Variants in RGS11 observed in about 807,000 individuals in gnomAD.
RGS11 encodes regulator of G protein signaling 11.
A neutral mutation model predicts 71.1 loss-of-function variants in RGS11; 86 were observed. That is an observed-to-expected ratio of 1.21 (90% CI 1.02 to 1.45). The LOEUF (loss-of-function observed/expected upper bound fraction) is 1.45. Among genes scored for constraint, RGS11 ranks in the 40% most tolerant of loss-of-function variants. RGS11 has a pLI of 0.00. For missense variants in RGS11, 734 were observed against 635.1 expected (o/e 1.16, Z -1.67); for synonymous variants, 298 against 254.2 (o/e 1.17, Z -1.64).
In RGS11 at chr16:273,561, G is replaced by A. The variant is rs1361556482; in HGVS notation, c.507-5C>T. 27 of 1,559,086 alleles carry A rather than the reference G, an allele frequency of 1.7e-5. No homozygotes were observed. Among genetic ancestry groups the A allele is most frequent in the Non-Finnish European group, 2.3e-5 (26 of 1,151,878 alleles). On this transcript the variant is annotated splice_polypyrimidine_tract_variant and splice_region_variant and intron_variant, in intron 7 of 16. Coordinates refer to ENST00000397770, the MANE Select transcript of RGS11 (RefSeq NM_183337.3). ...TTGCTGCGCTGCTTGGCTGCCCTGG[G>A]AGGAGGAGGCCGAGTTGAGGGCACG...
rs944036697 is a variant in RGS11, at chr16:275,158, T to G, written c.212-76A>C. 5.8e-6 allele frequency: 9 copies of G among 1,557,946 alleles called. No homozygotes were observed. In the African/African-American group the frequency reaches 1.1e-4, roughly 19 times the overall value. On this transcript the variant is annotated intron_variant, in intron 3 of 16. Transcript: ENST00000397770. Reference sequence around the variant, plus strand: ...GGGACGAGCCGGGCCTCCTCTCCCCTATGTGCTCCCCACCCTTGCACAGCG... The same window carrying G: ...GGGACGAGCCGGGCCTCCTCTCCCCGATGTGCTCCCCACCCTTGCACAGCG...
chr16:272,125 C>T (rs924578437), intron 9 of RGS11: 51 of 1,129,352 alleles, frequency 4.5e-5, no homozygotes, highest in East Asian at 6.9e-5. Flanking sequence ...CGTGAGCCAC[C>T]GCGCCCGGCC....
At chr16:269,802 G>C (rs761584025) in intron 15 of RGS11, 1 of 540,660 alleles carries the variant, frequency 1.8e-6, no homozygotes, top group East Asian at 3.1e-5. Flanking sequence ...AGCAAAAAAT[G>C]GCAAGAGCCC....
At chr16:271,669 T>A in intron 9 of RGS11, 100 bp from the exon 10 acceptor site, 1 of 1,176,166 alleles carries the variant, frequency 8.5e-7, no homozygotes, top group East Asian at 2.3e-5. Flanking sequence ...CCCTGCCCCA[T>A]AGATCTGGCA....
chr16:271,821 G>A (rs536982039), intron 9 of RGS11: 1 of 568,926 alleles, frequency 1.8e-6, no homozygotes, highest in Non-Finnish European at 3.1e-6. Context: ...AGTTGCAACT[G>A]TAATATGTCA....
At position 275,472 on chromosome 16, in the gene RGS11, C is replaced by G; in HGVS notation, c.90G>C (p.Gln30His). 6.3e-7 allele frequency: 1 copy of G among 1,587,834 alleles called. No homozygotes were observed. The highest frequency in any genetic ancestry group is 1.3e-5 in the African/African-American group (1 of 74,826). Residue 30 changes from glutamine (Q) to histidine (H), a missense_variant, in exon 2 of 17, where the codon CAG becomes CAC. Transcript: ENST00000397770. ...RKMERVVVSM[Q>H]DPDQGVKMRS... is the part of the protein sequence containing the mutation. ...GCATCTTCACGCCCTGGTCGGGGTC[C>G]TGCATGCTCACGACCACCCGCTCCA...
chr16:275,845 G>T lies in RGS11; in HGVS notation c.63+4C>A, dbSNP rs1437806710. On this transcript the variant is annotated splice_donor_region_variant and intron_variant, in intron 1 of 16. Coordinates refer to ENST00000397770, the MANE Select transcript of RGS11 (RefSeq NM_183337.3). ...GGACGGCGGGACACCCACCCGCCTC[G>T]CACCTTCCTCAGATGCGGCATCTGC... The T allele has an allele frequency of 9.4e-7, 1 of 1,068,496 alleles. No homozygotes were observed. The highest frequency in any genetic ancestry group is 1.2e-6 in the Non-Finnish European group (1 of 866,564). 66.2% of individuals were successfully genotyped at this position (1,068,496 alleles called of 1,614,324 possible). A position where few individuals can be genotyped will look rare whatever the true frequency, so the allele number is the denominator to read the frequency against.
Position 268,998 on chromosome 16 carries a change from C to A in RGS11, c.*271G>T. 1 of 1,471,700 alleles carries A rather than the reference C, an allele frequency of 6.8e-7. No homozygotes were observed. Among genetic ancestry groups the A allele is most frequent in the Non-Finnish European group, 9.3e-7 (1 of 1,075,430 alleles). 91.2% of individuals were successfully genotyped at this position (1,471,700 alleles called of 1,614,324 possible). A position where few individuals can be genotyped will look rare whatever the true frequency, so the allele number is the denominator to read the frequency against. On this transcript the variant is annotated 3_prime_UTR_variant, in exon 17 of 17. Transcript: ENST00000397770. The stretch of plus-strand genomic sequence containing the variant: ...GCTCCCTGTGGCCTTGGTCTCACCT[C>A]TCTTCAGGTAACAGGCTCTGCCCTG...
At chr16:271,729 A>G in intron 9 of RGS11, 160 bp from the exon 10 acceptor site, 2 of 672,398 alleles carry the variant, frequency 3.0e-6, no homozygotes, top group Non-Finnish European at 5.1e-6. Flanking sequence ...CCCTTCTTCC[A>G]ATCAGGGATC....
intron 15 of RGS11, among the ~76,000 whole-genome samples, chr16:270,173 C>T (rs982855476): frequency 2.0e-4 from 30 of 152,096 alleles, no homozygotes; most frequent in Non-Finnish European, 3.5e-4. Flanking sequence ...GGCGTGAACC[C>T]GGGAGGTGGA....
At chr16:273,153 G>C (rs1023776080) in intron 8 of RGS11, among the ~76,000 whole-genome samples, 2 of 152,020 alleles carry the variant, frequency 1.3e-5, no homozygotes, top group African/African-American at 4.8e-5. Flanking sequence ...CTGTGAACTC[G>C]GTCCCCCCAC....
Position 275,392 on chromosome 16 carries a change from C to A in RGS11, c.160+10G>T. The A allele has an allele frequency of 6.2e-7, 1 of 1,608,194 alleles. No homozygotes were observed. The highest frequency in any genetic ancestry group is 2.2e-5 in the East Asian group (1 of 44,816). ...AGGCGCGCACGCACCCCCGCCCCGGCGCGCCTCACCTGTCACCGCGTGGGG... is the reference window on the plus strand; with the variant it reads ...AGGCGCGCACGCACCCCCGCCCCGGAGCGCCTCACCTGTCACCGCGTGGGG... On this transcript the variant is annotated intron_variant, in intron 2 of 16. Transcript: ENST00000397770.
chr16:275,253 C>T, intron 3 of RGS11, 30 bp downstream of exon 3: 1 of 1,612,010 alleles, frequency 6.2e-7, no homozygotes, highest in East Asian at 2.2e-5. Flanking sequence ...CCCAGTGACC[C>T]CAGGGCCCAG....
intron 3 of RGS11, 93 bp downstream of exon 3, chr16:275,190 G>T: frequency 6.3e-7 from 1 of 1,599,980 alleles, no homozygotes; most frequent in Non-Finnish European, 8.5e-7. Flanking sequence ...AGCGCGCTCA[G>T]CAGGGCTCTG....
chr16:270,600 TCTGCTCCATG>T lies in RGS11; in HGVS notation c.1119_1128del (p.Met374ProfsTer24), dbSNP rs776196078. The T allele has an allele frequency of 1.9e-6, 3 of 1,607,920 alleles. No homozygotes were observed. The highest frequency in any genetic ancestry group is 1.1e-5 in the South Asian group (1 of 90,186). ...TGGGGCTGGCGCAGCCCCTCCAGGG[TCTGCTCCATG>T]GTCCGGCTGTCGATGTTGACCCAGT... is the stretch of plus-strand genomic sequence containing the variant. On this transcript the variant is annotated frameshift_variant, in exon 15 of 17. Coordinates refer to ENST00000397770, the MANE Select transcript of RGS11 (RefSeq NM_183337.3). LOFTEE classifies it high-confidence loss of function.
Position 269,377 on chromosome 16 carries a change from G to A in RGS11, c.1296C>T (p.Phe432=). The A allele has an allele frequency of 2.5e-6, 4 of 1,602,010 alleles. No homozygotes were observed. Among genetic ancestry groups the A allele is most frequent in the South Asian group, 1.1e-5 (1 of 89,754 alleles). The change falls in exon 17 of 17, where the codon TTC becomes TTT. Residue 432 remains phenylalanine (F), a synonymous_variant. Coordinates refer to ENST00000397770, the MANE Select transcript of RGS11 (RefSeq NM_183337.3). ...AGTGCCGTGGCCTCCACGTAAACGG[G>A]AACACGCTGTGGGCGAGAAGGCGGC... ...GIPLEMKRRV[F]PFTWRPRHSS...
rs1215113499 is a variant in RGS11 at position 269,344 on chromosome 16, G to A, written c.1329C>T (p.Pro443=). 1 of 1,603,556 alleles carries A rather than the reference G, an allele frequency of 6.2e-7. No homozygotes were observed. The highest frequency in any genetic ancestry group is 8.5e-7 in the Non-Finnish European group (1 of 1,175,936). The change falls in exon 17 of 17, where the codon CCC becomes CCT. Residue 443 remains proline (P), a synonymous_variant. Coordinates refer to ENST00000397770, the MANE Select transcript of RGS11 (RefSeq NM_183337.3). ...CAGGGGTGGGAAGGAGTGCAGGGCTGGGGCTCGAGTGCCGTGGCCTCCACG... is the reference window on the plus strand; with the variant it reads ...CAGGGGTGGGAAGGAGTGCAGGGCTAGGGCTCGAGTGCCGTGGCCTCCACG... ...PFTWRPRHSS[P]SPALLPTPVE...
rs1200983539 is a variant in RGS11, at chr16:271,271, A to G, written c.794T>C (p.Val265Ala). 6.2e-7 allele frequency: 1 copy of G among 1,612,832 alleles called. No homozygotes were observed. The highest frequency in any genetic ancestry group is 8.5e-7 in the Non-Finnish European group (1 of 1,179,994). Residue 265 changes from valine (V) to alanine (A), a missense_variant, in exon 12 of 17, where the codon GTG becomes GCG. Val to Ala is a moderately conservative substitution (Grantham distance 64). Transcript: ENST00000397770. ...GGGATTGCTGGGCAGGCACCCCGAC[A>G]CGAGGGGATCGTGGGGTCCACGCTG... The part of the protein sequence containing the change: ...CGQRGPHDPL[V>A]SGCLPSNPWI...
rs1352743609 is a variant in RGS11, at chr16:268,345, T to A, written c.*924A>T. On this transcript the variant is annotated 3_prime_UTR_variant, in exon 17 of 17. Transcript: ENST00000397770. The stretch of plus-strand genomic sequence containing the variant: ...AGGGCCCAAGGGTCTTTTATTTGTG[T>A]GCTGGACGCTGTTGGGAGTGACTGG... 1 of 261,030 alleles carries A rather than the reference T, an allele frequency of 3.8e-6. No individual in the cohort carries two copies. Among genetic ancestry groups the A allele is most frequent in the African/African-American group, 2.2e-5 (1 of 45,742 alleles). The allele number at this position is 261,030 out of a possible 1,614,324, so 16.2% of individuals were successfully genotyped here.
Sources: allele counts gnomAD v4.1 joint callset (sites outside exome capture counted in the v4.1 genomes callset), GRCh38; gene constraint gnomAD v4.1.1; transcripts MANE v1.5; gene names NCBI Gene and HGNC (gene_info 2026-07-23, HGNC 2026-07-21).